The following KLHL29 variants were observed in gnomAD, a reference collection of about 807,000 sequenced individuals.
The protein encoded by KLHL29 is kelch-like protein 29.
In KLHL29, 21 loss-of-function variants were observed where a neutral mutation model predicts 80.4. The ratio of observed to expected loss-of-function variants is 0.26; its 90% CI spans 0.19 to 0.38. KLHL29 has a LOEUF of 0.38. KLHL29 is among the 10% of genes least tolerant of loss of function. The pLI, the probability that KLHL29 is intolerant of heterozygous loss-of-function variation, is 1.00. For missense variants in KLHL29, 867 were observed against 1,223.9 expected (o/e 0.71, Z 4.35); for synonymous variants, 511 against 526.8 (o/e 0.97, Z 0.41).
intron 5 of KLHL29, among the ~76,000 whole-genome samples, chr2:23,649,370 C>T (rs746625708): frequency 6.6e-6 from 1 of 152,206 alleles, no homozygotes; most frequent in Non-Finnish European, 1.5e-5. Context: ...GCCTCCTCCC[C>T]TCGCAGGGCT....
chr2:23,582,834 C>T (rs1008542094), intron 3 of KLHL29, among the ~76,000 whole-genome samples: 20 of 152,158 alleles, frequency 1.3e-4, no homozygotes, highest in Non-Finnish European at 2.1e-4. Context: ...TACCCCACCC[C>T]CCAGCCAAAT....
At chr2:23,395,817 G>A (rs959508460) in intron 1 of KLHL29, among the ~76,000 whole-genome samples, 2 of 152,132 alleles carry the variant, frequency 1.3e-5, no homozygotes, top group Non-Finnish European at 2.9e-5. Context: ...TGATCCGTGG[G>A]CTCCCCTCAT....
At chr2:23,435,323 T>C (rs1361552731) in intron 1 of KLHL29, among the ~76,000 whole-genome samples, 1 of 152,108 alleles carries the variant, frequency 6.6e-6, no homozygotes, top group Non-Finnish European at 1.5e-5. Flanking sequence ...GGGACTTCTG[T>C]GCATACAAGC....
intron 5 of KLHL29, among the ~76,000 whole-genome samples, chr2:23,659,921 C>A (rs1670358326): frequency 6.6e-6 from 1 of 152,062 alleles, no homozygotes; most frequent in South Asian, 2.1e-4. Context: ...CAGGCCCTCC[C>A]CTGCTTGGAG....
At chr2:23,470,970 G>C (rs1016762352) in intron 1 of KLHL29, among the ~76,000 whole-genome samples, 1 of 152,168 alleles carries the variant, frequency 6.6e-6, no homozygotes, top group East Asian at 1.9e-4. Flanking sequence ...TTTTTCTCTC[G>C]TCTTAAAAAG....
Position 23,475,682 on chromosome 2 carries a change from A to C in KLHL29, c.-46+15A>C. The C allele has an allele frequency of 6.0e-6, 1 of 166,904 alleles. No individual in the cohort carries two copies. Among genetic ancestry groups the C allele is most frequent in the East Asian group, 1.9e-4 (1 of 5,162 alleles). 10.3% of individuals were successfully genotyped at this position (166,904 alleles called of 1,614,324 possible). ...GGCGGCGCAAGGTAGGTCTCTGCTT[A>C]GCTCACCTGGAAATAAGAAAGGCAT... On this transcript the variant is annotated intron_variant, in intron 2 of 13. Transcript: ENST00000486442.
chr2:23,449,244 G>A (rs1663797253), intron 1 of KLHL29, among the ~76,000 whole-genome samples: 3 of 152,156 alleles, frequency 2.0e-5, no homozygotes, highest in Admixed American at 2.0e-4. Flanking sequence ...GGTACAAGGA[G>A]GACTCTTGAG....
intron 1 of KLHL29, among the ~76,000 whole-genome samples, chr2:23,455,719 C>T (rs1296570871): frequency 6.7e-6 from 1 of 148,734 alleles, no homozygotes; most frequent in East Asian, 2.0e-4. Context: ...TCAAAAGATT[C>T]TCCTGCCTCA....
At chr2:23,679,710 T>G (rs1379242667) in intron 5 of KLHL29, among the ~76,000 whole-genome samples, 1 of 152,042 alleles carries the variant, frequency 6.6e-6, no homozygotes, top group East Asian at 1.9e-4. Context: ...AAATAAATAA[T>G]TACAACTCCT....
At chr2:23,538,853 A>G (rs1666752501) in intron 2 of KLHL29, among the ~76,000 whole-genome samples, 1 of 152,254 alleles carries the variant, frequency 6.6e-6, no homozygotes, top group Non-Finnish European at 1.5e-5. Context: ...GACTGACAAA[A>G]CAAATAGGCA....
chr2:23,433,368 T>C (rs1293421754), intron 1 of KLHL29, among the ~76,000 whole-genome samples: 4 of 152,162 alleles, frequency 2.6e-5, no homozygotes, highest in Non-Finnish European at 5.9e-5. Context: ...GCCTGGGCAA[T>C]TTTTCTGACT....
At position 23,392,545 on chromosome 2, in the gene KLHL29, T is replaced by C. The variant is rs1666344160; in HGVS notation, c.-154+6765T>C. ...CTTCCAGTTATGGCTGCTCACTATATCCGAGTACTTTACATATATTATCTC... is the reference window on the plus strand; with the variant it reads ...CTTCCAGTTATGGCTGCTCACTATACCCGAGTACTTTACATATATTATCTC... On this transcript the variant is annotated intron_variant, in intron 1 of 13. Transcript: ENST00000486442. Among the ~76,000 whole-genome samples, 4 of 152,210 alleles carry C rather than the reference T, an allele frequency of 2.6e-5. No homozygotes were observed. The South Asian group carries it at 8.3e-4, about 32-fold the overall frequency.
chr2:23,631,122 G>C (rs1006831546), intron 3 of KLHL29, among the ~76,000 whole-genome samples: 12 of 152,204 alleles, frequency 7.9e-5, no homozygotes, highest in African/African-American at 2.9e-4. Flanking sequence ...GGGTTCTGCA[G>C]TTGTAGCTCC....
At chr2:23,602,290 C>T (rs1668592444) in intron 3 of KLHL29, among the ~76,000 whole-genome samples, 1 of 152,242 alleles carries the variant, frequency 6.6e-6, no homozygotes, top group Non-Finnish European at 1.5e-5. Context: ...CCCCCCTGCC[C>T]CAGGGCCTGC....
chr2:23,570,826 G>A (rs1010862016), intron 3 of KLHL29, among the ~76,000 whole-genome samples: 5 of 152,206 alleles, frequency 3.3e-5, no homozygotes, highest in Admixed American at 1.3e-4. Context: ...TTGAATGACC[G>A]AGAGTCACCT....
At chr2:23,625,267 T>C (rs1669280349) in intron 3 of KLHL29, among the ~76,000 whole-genome samples, 1 of 152,234 alleles carries the variant, frequency 6.6e-6, no homozygotes, top group African/African-American at 2.4e-5. Flanking sequence ...CTTACTGTGA[T>C]GTTTAGGAGC....
intron 1 of KLHL29, among the ~76,000 whole-genome samples, chr2:23,399,332 G>A (rs575093933): frequency 3.3e-5 from 5 of 152,280 alleles, no homozygotes; most frequent in African/African-American, 4.8e-5. Flanking sequence ...AAAATAGTGT[G>A]CATGCACTTA....
intron 1 of KLHL29, among the ~76,000 whole-genome samples, chr2:23,434,317 T>G (rs1487795806): frequency 1.5e-5 from 1 of 68,154 alleles, no homozygotes; most frequent in Non-Finnish European, 2.4e-5. Context: ...CGAGACTCCG[T>G]CTCAAAAAAA....
intron 1 of KLHL29, among the ~76,000 whole-genome samples, chr2:23,409,292 A>G (rs537743718): frequency 3.3e-5 from 5 of 152,254 alleles, no homozygotes; most frequent in African/African-American, 1.2e-4. Flanking sequence ...CTGAGCTCAC[A>G]TTATATTGTC....
Sources: allele counts gnomAD v4.1 joint callset (sites outside exome capture counted in the v4.1 genomes callset), GRCh38; gene constraint gnomAD v4.1.1; transcripts MANE v1.5; gene names NCBI Gene and HGNC (gene_info 2026-07-23, HGNC 2026-07-21).